ANKRD30A: variants seen among roughly 807,000 people sequenced by gnomAD.
ANKRD30A encodes ankyrin repeat domain 30A.
Under a neutral mutation model 166.3 loss-of-function variants are expected in ANKRD30A, and 170 were observed. That is an observed-to-expected ratio of 1.02 (90% CI 0.90 to 1.16). ANKRD30A has a LOEUF of 1.16. ANKRD30A is among the 50% of genes most tolerant of loss of function. The probability of loss-of-function intolerance (pLI) is 0.00; values close to 1 mark genes in which losing one functional copy is unlikely to be tolerated. For missense variants in ANKRD30A, 1,630 were observed against 1,518.0 expected (o/e 1.07, Z -1.23); for synonymous variants, 564 against 508.9 (o/e 1.11, Z -1.46).
At chr10:37,199,641 G>C in intron 29 of ANKRD30A, 86 bp from the exon 30 acceptor site, 1 of 837,386 alleles carries the variant, frequency 1.2e-6, no homozygotes, top group Non-Finnish European at 1.9e-6. Context: ...CCACAGATTC[G>C]TGAATGAAAG....
intron 24 of ANKRD30A, among the ~76,000 whole-genome samples, chr10:37,183,511 T>A (rs1332586617): frequency 6.8e-6 from 1 of 146,832 alleles, no homozygotes; most frequent in Non-Finnish European, 1.5e-5. Flanking sequence ...TTTTCTTTTT[T>A]AAAAAGATAT....
At chr10:37,217,051 T>G (rs1480539260) in intron 32 of ANKRD30A, among the ~76,000 whole-genome samples, 2 of 151,076 alleles carry the variant, frequency 1.3e-5, no homozygotes, top group Non-Finnish European at 3.0e-5. Context: ...CTATTTTTAT[T>G]CTTTAATTAA....
At chr10:37,198,364 G>A (rs1449846805) in intron 29 of ANKRD30A, among the ~76,000 whole-genome samples, 2 of 151,918 alleles carry the variant, frequency 1.3e-5, no homozygotes, top group Non-Finnish European at 2.9e-5. Context: ...TTTAATATTA[G>A]GTTATTTATA....
chr10:37,156,742 A>G (rs1838413454), intron 13 of ANKRD30A, among the ~76,000 whole-genome samples: 1 of 152,190 alleles, frequency 6.6e-6, no homozygotes, highest in South Asian at 2.1e-4. Flanking sequence ...CATTTCTTAT[A>G]TATGAATTTT....
At chr10:37,162,304 A>G (rs1838969532) in intron 15 of ANKRD30A, among the ~76,000 whole-genome samples, 1 of 152,184 alleles carries the variant, frequency 6.6e-6, no homozygotes, top group South Asian at 2.1e-4. Flanking sequence ...AACAGGATGA[A>G]TGGAATAATA....
chr10:37,136,441 A>C (rs1048304983), intron 5 of ANKRD30A, among the ~76,000 whole-genome samples, 166 bp from the exon 6 acceptor site: 7 of 152,198 alleles, frequency 4.6e-5, no homozygotes, highest in African/African-American at 1.7e-4. Flanking sequence ...TTAGAAGCTT[A>C]ATAAGTTCAT....
At chr10:37,252,683 T>G in the ANKRD30A span, among the ~76,000 whole-genome samples, 96,114 of 147,062 alleles carry the variant, frequency 0.65, 31,323 homozygotes, top group South Asian at 0.82. Context: ...AAATTTACAG[T>G]TTTTTTTTTT....
chr10:37,219,452 AG>A lies in ANKRD30A; in HGVS notation c.3742del (p.Val1248CysfsTer16). ...GTGAGTAGTACGATATATAACAATG[AG>A]GTGCTCCATCAACCACTTTCTGAAG... ...VDVSSTIYNNEVLHQPLSEAQ... is the reference protein window; with the variant it reads ...VDVSSTIYNNXVLHQPLSEAQ... On this transcript the variant is annotated frameshift_variant, in exon 34 of 36. Transcript: ENST00000361713. LOFTEE classifies it high-confidence loss of function. 6.2e-7 allele frequency: 1 copy of A among 1,610,370 alleles called. No individual in the cohort carries two copies. Among genetic ancestry groups the A allele is most frequent in the Non-Finnish European group, 8.5e-7 (1 of 1,177,674 alleles).
chr10:37,179,026 A>G (rs1359048155), intron 24 of ANKRD30A, among the ~76,000 whole-genome samples: 4 of 33,976 alleles, frequency 1.2e-4, no homozygotes, highest in African/African-American at 3.6e-4. Flanking sequence ...ATATATATAT[A>G]TATATATATA....
At chr10:37,126,364 G>T (rs1836010880) in intron 1 of ANKRD30A, among the ~76,000 whole-genome samples, 1 of 152,210 alleles carries the variant, frequency 6.6e-6, no homozygotes, top group Non-Finnish European at 1.5e-5. Flanking sequence ...TTAATGTACA[G>T]GTTTTAAAAG....
intron 1 of ANKRD30A, among the ~76,000 whole-genome samples, chr10:37,128,274 G>C (rs1588736123): frequency 6.6e-6 from 1 of 151,986 alleles, no homozygotes; most frequent in Non-Finnish European, 1.5e-5. Flanking sequence ...CATGTACAAT[G>C]CTATTAGTAA....
chr10:37,213,013 T>C (rs1842417482), intron 31 of ANKRD30A, among the ~76,000 whole-genome samples: 1 of 151,868 alleles, frequency 6.6e-6, no homozygotes, highest in Non-Finnish European at 1.5e-5. Context: ...ACTTGGTAAT[T>C]TGTAGTTTTT....
At chr10:37,145,302 A>T (rs1837420362) in intron 8 of ANKRD30A, among the ~76,000 whole-genome samples, 1 of 152,040 alleles carries the variant, frequency 6.6e-6, no homozygotes, top group Admixed American at 6.6e-5. Context: ...ATATGGTGAA[A>T]CCCTGTCTGT....
At chr10:37,204,155 A>G (rs546818124) in intron 31 of ANKRD30A, among the ~76,000 whole-genome samples, 2 of 152,330 alleles carry the variant, frequency 1.3e-5, no homozygotes, top group African/African-American at 4.8e-5. Context: ...TTCATATGGA[A>G]CCAAAAAAGA....
intron 32 of ANKRD30A, 84 bp from the exon 33 acceptor site, chr10:37,217,611 A>C (rs1842668486): frequency 5.3e-6 from 6 of 1,133,834 alleles, no homozygotes; most frequent in Non-Finnish European, 7.1e-6. Context: ...TTGGACTAAT[A>C]ACCCAATATA....
At chr10:37,172,177 C>G (rs1160452431) in intron 21 of ANKRD30A, among the ~76,000 whole-genome samples, 1 of 99,608 alleles carries the variant, frequency 1.0e-5, no homozygotes, top group Non-Finnish European at 2.2e-5. Context: ...AACCCTGTCT[C>G]TACTAAAAAT....
At chr10:37,201,115 A>G (rs1296149590) in intron 30 of ANKRD30A, 120 bp from the exon 31 acceptor site, 1 of 707,968 alleles carries the variant, frequency 1.4e-6, no homozygotes, top group Non-Finnish European at 2.1e-6. Context: ...TCTGCTCTTA[A>G]GTTGAATTGC....
intron 34 of ANKRD30A, 90 bp downstream of exon 34, chr10:37,219,987 GA>G: frequency 6.1e-6 from 1 of 163,866 alleles, no homozygotes; most frequent in East Asian, 1.3e-4. Flanking sequence ...GAATCTAGTT[GA>G]ATATATATAT....
chr10:37,204,438 C>G (rs1401323648), intron 31 of ANKRD30A, among the ~76,000 whole-genome samples: 1 of 152,074 alleles, frequency 6.6e-6, no homozygotes, highest in Middle Eastern at 3.2e-3. Context: ...AAACTGGATC[C>G]CTTCCTTACA....
Sources: gnomAD v4.1 joint callset for allele counts (sites outside exome capture counted in the v4.1 genomes callset) on GRCh38, gnomAD v4.1.1 for gene constraint, MANE v1.5 for transcripts, NCBI Gene and HGNC (gene_info 2026-07-23, HGNC 2026-07-21) for gene names.